The following CDIN1 variants were observed in gnomAD, a reference collection of about 807,000 sequenced individuals.
The protein encoded by CDIN1 is CDAN1 interacting nuclease 1, also known as CDAN1-interacting nuclease 1.
Under a neutral mutation model 45.3 loss-of-function variants are expected in CDIN1, and 33 were observed. The observed-to-expected ratio is 0.73, with a 90% CI of 0.55 to 0.97. The LOEUF (loss-of-function observed/expected upper bound fraction) is 0.97, where lower values mean the gene tolerates loss of function less well. Among genes scored for constraint, CDIN1 ranks in the 50% least tolerant of loss-of-function variants. The pLI, the probability that CDIN1 is intolerant of heterozygous loss-of-function variation, is 0.00. For synonymous variants in CDIN1, 118 were observed against 124.4 expected, an observed-to-expected ratio of 0.95 and a Z score of 0.34; for missense variants, 303 against 339.4, an observed-to-expected ratio of 0.89 and a Z score of 0.84.
At chr15:36,656,134 C>T (rs1355338757) in intron 4 of CDIN1, among the ~76,000 whole-genome samples, 1 of 152,122 alleles carries the variant, frequency 6.6e-6, no homozygotes, top group African/African-American at 2.4e-5. Context: ...TGGCTGGTAC[C>T]ATATTATAGC....
intron 10 of CDIN1, among the ~76,000 whole-genome samples, chr15:36,766,565 A>G (rs2053930452): frequency 6.6e-6 from 1 of 152,214 alleles, no homozygotes; most frequent in East Asian, 1.9e-4. Flanking sequence ...CCTTGTCAAC[A>G]CTTGCTACCT....
intron 1 of CDIN1, among the ~76,000 whole-genome samples, chr15:36,608,360 T>C (rs2038479068): frequency 6.6e-6 from 1 of 152,192 alleles, no homozygotes; most frequent in African/African-American, 2.4e-5. Flanking sequence ...TTTGATTATA[T>C]TCCTGGTGGG....
intron 1 of CDIN1, among the ~76,000 whole-genome samples, chr15:36,625,785 G>A (rs1232595346): frequency 2.0e-5 from 3 of 152,280 alleles, no homozygotes; most frequent in Non-Finnish European, 2.9e-5. Flanking sequence ...GGCCTGTTAC[G>A]TAAGGATCCC....
In CDIN1 at chr15:36,788,676, G is replaced by C. The variant is rs559299831; in HGVS notation, c.717-19648G>C. Reference sequence around the variant, plus strand: ...TATTACTTAAATATATTTTAATAATGCTTAGCAATTATATCAAATTTGTAG... The same window carrying C: ...TATTACTTAAATATATTTTAATAATCCTTAGCAATTATATCAAATTTGTAG... On this transcript the variant is annotated intron_variant, in intron 10 of 10. Transcript: ENST00000566621. 6.0e-5 allele frequency among the ~76,000 whole-genome samples: 9 copies of C among 150,942 alleles called. No homozygotes were observed. In the East Asian group the frequency reaches 1.8e-3, roughly 30 times the overall value.
At chr15:36,629,650 C>T (rs1375034232) in intron 1 of CDIN1, among the ~76,000 whole-genome samples, 1 of 152,070 alleles carries the variant, frequency 6.6e-6, no homozygotes, top group Non-Finnish European at 1.5e-5. Context: ...TGACAAATGC[C>T]CTTTGAAAGC....
chr15:36,629,174 G>A (rs1254497270), intron 1 of CDIN1, among the ~76,000 whole-genome samples: 5 of 152,158 alleles, frequency 3.3e-5, no homozygotes, highest in African/African-American at 1.2e-4. Flanking sequence ...ATAAATTTCT[G>A]TTATTTTAAT....
chr15:36,646,047 A>G (rs1259787770), intron 3 of CDIN1, among the ~76,000 whole-genome samples: 2 of 152,184 alleles, frequency 1.3e-5, no homozygotes, highest in Non-Finnish European at 2.9e-5. Flanking sequence ...AATGGTTTGC[A>G]TTAGAAATTG....
chr15:36,597,929 A>G (rs1265899595), intron 1 of CDIN1, among the ~76,000 whole-genome samples: 1 of 152,170 alleles, frequency 6.6e-6, no homozygotes, highest in Non-Finnish European at 1.5e-5. Context: ...GAAGATTATT[A>G]TTTTGTAGAT....
intron 10 of CDIN1, chr15:36,746,940 G>C (rs996839312): frequency 1.5e-5 from 6 of 397,722 alleles, no homozygotes; most frequent in Admixed American, 4.4e-5. Flanking sequence ...TGTAGAGATG[G>C]GATCTCACAA....
intron 10 of CDIN1, among the ~76,000 whole-genome samples, chr15:36,801,374 T>C (rs1207980248): frequency 6.6e-6 from 1 of 152,120 alleles, no homozygotes; most frequent in Admixed American, 6.6e-5. Context: ...GGTTTTCTCA[T>C]AGAGCTGAAA....
chr15:36,769,235 A>T (rs1210917583), intron 10 of CDIN1, among the ~76,000 whole-genome samples: 1 of 152,158 alleles, frequency 6.6e-6, no homozygotes, highest in Non-Finnish European at 1.5e-5. Flanking sequence ...ATATATTGAG[A>T]GATTTATTTT....
At chr15:36,722,991 C>T (rs1405986786) in intron 10 of CDIN1, among the ~76,000 whole-genome samples, 1 of 123,928 alleles carries the variant, frequency 8.1e-6, no homozygotes, top group East Asian at 2.4e-4. Flanking sequence ...GTGTGTTTCT[C>T]TCTCCCTTAC....
At chr15:36,803,173 T>C (rs1021628258) in intron 10 of CDIN1, among the ~76,000 whole-genome samples, 5 of 151,574 alleles carry the variant, frequency 3.3e-5, no homozygotes, top group African/African-American at 1.2e-4. Flanking sequence ...AGGAACCCAA[T>C]AACCAAGTTT....
intron 1 of CDIN1, chr15:36,617,507 T>C: frequency 1.2e-6 from 1 of 846,078 alleles, no homozygotes; most frequent in Non-Finnish European, 2.1e-6. Context: ...TCAAAGAATC[T>C]TTACTTGATC....
chr15:36,679,079 TACAC>T (rs2041756672), intron 5 of CDIN1, among the ~76,000 whole-genome samples: 1 of 148,902 alleles, frequency 6.7e-6, no homozygotes, highest in Non-Finnish European at 1.5e-5. Flanking sequence ...ATTCACCTAA[TACAC>T]ACAGAAGTAG....
chr15:36,722,299 T>C (rs1024599058), intron 10 of CDIN1, among the ~76,000 whole-genome samples: 1 of 88,364 alleles, frequency 1.1e-5, no homozygotes, highest in Non-Finnish European at 2.2e-5. Context: ...TACTTTCTTT[T>C]GAGATCTCTC....
chr15:36,719,535 C>T (rs904611122), intron 10 of CDIN1, among the ~76,000 whole-genome samples: 12 of 152,082 alleles, frequency 7.9e-5, no homozygotes, highest in African/African-American at 9.7e-5. Flanking sequence ...AAATCTGTTA[C>T]GAATTTTTGC....
chr15:36,639,356 G>T (rs772561724), intron 1 of CDIN1, among the ~76,000 whole-genome samples: 1 of 123,638 alleles, frequency 8.1e-6, no homozygotes, highest in African/African-American at 3.1e-5. Flanking sequence ...CTGCAATCCC[G>T]GCATTTTGGG....
At chr15:36,763,590 G>A (rs1475819051) in intron 10 of CDIN1, among the ~76,000 whole-genome samples, 1 of 152,152 alleles carries the variant, frequency 6.6e-6, no homozygotes, top group African/African-American at 2.4e-5. Context: ...CAAGCCAGAA[G>A]AGAGAGGACT....
Sources: gnomAD v4.1 joint callset for allele counts (sites outside exome capture counted in the v4.1 genomes callset) on GRCh38, gnomAD v4.1.1 for gene constraint, MANE v1.5 for transcripts, NCBI Gene and HGNC (gene_info 2026-07-23, HGNC 2026-07-21) for gene names.